The following TBC1D10A variants were observed in gnomAD, a reference collection of about 807,000 sequenced individuals.
The protein encoded by TBC1D10A is EBP50-PDX interactor of 64 kDa.
In TBC1D10A, 24 loss-of-function variants were observed where a neutral mutation model predicts 52.9. The ratio of observed to expected loss-of-function variants is 0.45; its 90% CI spans 0.33 to 0.64. The LOEUF is 0.64. Among genes scored for constraint, TBC1D10A ranks in the 30% least tolerant of loss-of-function variants. TBC1D10A has a pLI of 0.02. For synonymous variants in TBC1D10A, 278 were observed against 282.9 expected (o/e 0.98, Z 0.17); for missense variants, 602 against 687.9 (o/e 0.88, Z 1.40).
In TBC1D10A at chr22:30,292,294, G is replaced by T; in HGVS notation, c.*81C>A. 7.7e-7 allele frequency: 1 copy of T among 1,304,716 alleles called. No homozygotes were observed. The highest frequency in any genetic ancestry group is 1.0e-6 in the Non-Finnish European group (1 of 960,008). 80.8% of individuals were successfully genotyped at this position (1,304,716 alleles called of 1,614,324 possible). Reference sequence around the variant, plus strand: ...GTGGCCAGGCAGCTTGGCCCTCAGAGGGTGGGCAGGATGTGGAATGTCAGT... The same window carrying T: ...GTGGCCAGGCAGCTTGGCCCTCAGATGGTGGGCAGGATGTGGAATGTCAGT... On this transcript the variant is annotated 3_prime_UTR_variant, in exon 9 of 9. Coordinates refer to ENST00000215790, the MANE Select transcript of TBC1D10A (RefSeq NM_031937.3).
Position 30,294,423 on chromosome 22 carries a change from A to C in TBC1D10A, c.706-313T>G, listed in dbSNP as rs778344529. On this transcript the variant is annotated intron_variant, in intron 6 of 8. Transcript: ENST00000215790. Reference sequence around the variant, plus strand: ...CTGGAGGGTCTCGCCTGTCAGGGTCAAGGAAGCTCCCTGAGGGCTAAAAGC... The same window carrying C: ...CTGGAGGGTCTCGCCTGTCAGGGTCCAGGAAGCTCCCTGAGGGCTAAAAGC... Among the ~76,000 whole-genome samples the C allele has an allele frequency of 8.5e-5, 13 of 152,310 alleles. No homozygotes were observed. The East Asian group carries it at 1.7e-3, about 20-fold the overall frequency.
At chr22:30,303,140 G>A (rs1177257821) in intron 2 of TBC1D10A, among the ~76,000 whole-genome samples, 3 of 152,148 alleles carry the variant, frequency 2.0e-5, no homozygotes, top group East Asian at 3.9e-4. Flanking sequence ...AATTCGCCAC[G>A]TGTGGTGACG....
chr22:30,296,129 C>G (rs1472720055), intron 3 of TBC1D10A: 3 of 391,876 alleles, frequency 7.7e-6, no homozygotes, highest in South Asian at 6.2e-5. Context: ...GGAAGGACCT[C>G]TAGACATTTC....
intron 1 of TBC1D10A, among the ~76,000 whole-genome samples, chr22:30,325,163 G>C (rs1201952039): frequency 6.6e-6 from 1 of 152,226 alleles, no homozygotes; most frequent in African/African-American, 2.4e-5. Context: ...TTCAGAATGA[G>C]GGGTGCTCTC....
Position 30,326,718 on chromosome 22 carries a change from A to G in TBC1D10A, c.164T>C (p.Ile55Thr), listed in dbSNP as rs1930784790. ...SEANGFAERR[I>T]DKFGFIVGSQ... is the part of the protein sequence containing the mutation. ...GCCCACGATGAAGCCGAACTTGTCG[A>G]TGCGGCGCTCGGCGAAGCCGTTGGC... Residue 55 changes from isoleucine to threonine, a missense_variant, in exon 1 of 9, where the codon ATC becomes ACC. Transcript: ENST00000215790. 1.9e-6 allele frequency: 3 copies of G among 1,542,068 alleles called. No individual in the cohort carries two copies. The highest frequency in any genetic ancestry group is 1.2e-5 in the South Asian group (1 of 85,994).
chr22:30,326,432 C>T (rs1176576493), intron 1 of TBC1D10A, among the ~76,000 whole-genome samples: 12 of 149,940 alleles, frequency 8.0e-5, no homozygotes, highest in Non-Finnish European at 1.5e-5. Flanking sequence ...GTCAGTCTGT[C>T]CGGAGGGTGG....
At chr22:30,307,157 G>A (rs748899922) in intron 1 of TBC1D10A, among the ~76,000 whole-genome samples, 1 of 152,172 alleles carries the variant, frequency 6.6e-6, no homozygotes, top group Non-Finnish European at 1.5e-5. Context: ...TAGAAGCCCT[G>A]AGGAGGCTTC....
chr22:30,326,655 A>AC lies in TBC1D10A; in HGVS notation c.209+17dup. 1 of 1,554,648 alleles carries AC rather than the reference A, an allele frequency of 6.4e-7. No homozygotes were observed. The highest frequency in any genetic ancestry group is 8.7e-7 in the Non-Finnish European group (1 of 1,152,344). On this transcript the variant is annotated intron_variant, in intron 1 of 8. Transcript: ENST00000215790. ...CGCGTGGGTGGCGCGCTCAGTCCCG[A>AC]CCCCCGGCGCTACTCACGCGCCCTC... is the stretch of plus-strand genomic sequence containing the variant.
At chr22:30,321,829 A>C (rs1930658483) in intron 1 of TBC1D10A, among the ~76,000 whole-genome samples, 1 of 152,126 alleles carries the variant, frequency 6.6e-6, no homozygotes, top group Non-Finnish European at 1.5e-5. Context: ...TAAAACTTGT[A>C]TCCTTCTTTC....
In TBC1D10A at chr22:30,323,966, G is replaced by A. The variant is rs540553792; in HGVS notation, c.209+2707C>T. Among the ~76,000 whole-genome samples, 93 of 60,528 alleles carry A rather than the reference G, an allele frequency of 1.5e-3. No homozygotes were observed. In the East Asian group the frequency reaches 0.041, roughly 27 times the overall value. The allele number at this position is 60,528 out of a possible 152,430, so 39.7% of individuals were successfully genotyped here. Reference sequence around the variant, plus strand: ...AGCCTGGGTGACAGAGCGAGACTCCGTCTCAAAAAAAAAAGATCCCTTACA... The same window carrying A: ...AGCCTGGGTGACAGAGCGAGACTCCATCTCAAAAAAAAAAGATCCCTTACA... On this transcript the variant is annotated intron_variant, in intron 1 of 8. Coordinates refer to ENST00000215790, the MANE Select transcript of TBC1D10A (RefSeq NM_031937.3).
intron 1 of TBC1D10A, among the ~76,000 whole-genome samples, chr22:30,312,258 TG>T (rs1424751411): frequency 6.6e-6 from 1 of 152,144 alleles, no homozygotes; most frequent in Non-Finnish European, 1.5e-5. Context: ...TAGATCTCAT[TG>T]ATAGATCTTA....
rs1930047518 is a variant in TBC1D10A at position 30,295,072 on chromosome 22, C to A, written c.525-17G>T. 2 of 1,612,462 alleles carry A rather than the reference C, an allele frequency of 1.2e-6. No individual in the cohort carries two copies. Among genetic ancestry groups the A allele is most frequent in the African/African-American group, 1.3e-5 (1 of 74,924 alleles). Reference sequence around the variant, plus strand: ...TCCTGCTGGCTGTGGAGAGGCCGGGCAGAGCAGTGATGACCGGGGTGACTC... The same window carrying A: ...TCCTGCTGGCTGTGGAGAGGCCGGGAAGAGCAGTGATGACCGGGGTGACTC... On this transcript the variant is annotated splice_polypyrimidine_tract_variant and intron_variant, in intron 4 of 8. Coordinates refer to ENST00000215790, the MANE Select transcript of TBC1D10A (RefSeq NM_031937.3).
At chr22:30,301,012 C>T (rs1419214938) in intron 2 of TBC1D10A, among the ~76,000 whole-genome samples, 1 of 152,180 alleles carries the variant, frequency 6.6e-6, no homozygotes, top group Non-Finnish European at 1.5e-5. Flanking sequence ...ATGTCTTTTA[C>T]AAATGGGGCA....
chr22:30,326,154 T>TG (rs1930766560), intron 1 of TBC1D10A, among the ~76,000 whole-genome samples: 1 of 25,216 alleles, frequency 4.0e-5, no homozygotes. Flanking sequence ...TGGGAAGGGG[T>TG]GGGGGCGGGG....
At chr22:30,316,497 G>C (rs187660189) in intron 1 of TBC1D10A, among the ~76,000 whole-genome samples, 126 of 151,256 alleles carry the variant, frequency 8.3e-4, no homozygotes, top group Non-Finnish European at 1.6e-3. Context: ...CCATTGCCCA[G>C]GCTGGAGTGC....
intron 1 of TBC1D10A, 93 bp downstream of exon 1, chr22:30,326,580 G>T: frequency 8.1e-7 from 1 of 1,239,146 alleles, no homozygotes; most frequent in Non-Finnish European, 1.1e-6. Context: ...GCCTGGGAGG[G>T]GGACGTGTCG....
At chr22:30,318,475 C>T (rs889805136) in intron 1 of TBC1D10A, among the ~76,000 whole-genome samples, 5 of 152,198 alleles carry the variant, frequency 3.3e-5, no homozygotes, top group African/African-American at 7.2e-5. Flanking sequence ...TTGATGTGCC[C>T]GGGGCAAGCC....
rs1055862456 is a variant in TBC1D10A, at chr22:30,294,211, G to A, written c.706-101C>T. The A allele has an allele frequency of 2.2e-6, 3 of 1,356,196 alleles. No individual in the cohort carries two copies. The South Asian group carries it at 3.9e-5, about 18-fold the overall frequency. 84.0% of individuals were successfully genotyped at this position (1,356,196 alleles called of 1,614,324 possible). A position where few individuals can be genotyped will look rare whatever the true frequency, so the allele number is the denominator to read the frequency against. ...AGCACCCAGCACCCAGCAGGCTCAG[G>A]CAGCTACCGCCTGCAGGGTGTCTGC... On this transcript the variant is annotated intron_variant, in intron 6 of 8. Coordinates refer to ENST00000215790, the MANE Select transcript of TBC1D10A (RefSeq NM_031937.3).
chr22:30,326,041 G>A (rs1930763816), intron 1 of TBC1D10A, among the ~76,000 whole-genome samples: 1 of 152,038 alleles, frequency 6.6e-6, no homozygotes, highest in African/African-American at 2.4e-5. Context: ...CCTTCCATGA[G>A]GAGAAGGGAC....
Sources: allele counts gnomAD v4.1 joint callset (sites outside exome capture counted in the v4.1 genomes callset), GRCh38; gene constraint gnomAD v4.1.1; transcripts MANE v1.5; gene names NCBI Gene and HGNC (gene_info 2026-07-23, HGNC 2026-07-21).